The following SWAP70 variants were observed in gnomAD, a reference collection of about 807,000 sequenced individuals.
The protein encoded by SWAP70 is switch-associated protein 70.
Under a neutral mutation model 80.2 loss-of-function variants are expected in SWAP70, and 34 were observed. The ratio of observed to expected loss-of-function variants is 0.42; its 90% confidence interval spans 0.32 to 0.56. The LOEUF (loss-of-function observed/expected upper bound fraction) is 0.56, where lower values mean the gene tolerates loss of function less well. SWAP70 is among the 20% of genes least tolerant of loss of function. SWAP70 has a pLI of 0.09. For missense variants in SWAP70, 578 were observed against 690.7 expected (o/e 0.84, Z 1.83); for synonymous variants, 239 against 238.5 (o/e 1.00, Z -0.02).
Position 9,695,569 on chromosome 11 carries a change from A to G in SWAP70, c.240+1283A>G, listed in dbSNP as rs567910144. Among the ~76,000 whole-genome samples, 8 of 147,854 alleles carry G rather than the reference A, an allele frequency of 5.4e-5. No individual in the cohort carries two copies. In the South Asian group the frequency reaches 1.4e-3, roughly 25 times the overall value. ...CTCACTCCTAAGTGGGAGTTGAACA[A>G]TGAGAACACATGAACACAGAGGGGG... On this transcript the variant is annotated intron_variant, in intron 2 of 11. Transcript: ENST00000318950.
At chr11:9,685,358 A>G (rs1850618153) in intron 1 of SWAP70, among the ~76,000 whole-genome samples, 1 of 152,152 alleles carries the variant, frequency 6.6e-6, no homozygotes, top group Admixed American at 6.5e-5. Flanking sequence ...CTGATACTGC[A>G]GCAAAATACC....
At chr11:9,749,596 T>A (rs1357969851) in intron 11 of SWAP70, among the ~76,000 whole-genome samples, 1 of 152,226 alleles carries the variant, frequency 6.6e-6, no homozygotes, top group Admixed American at 6.5e-5. Flanking sequence ...GTATTTGAAT[T>A]GTACTAAAGA....
chr11:9,687,841 AT>A (rs1324802854), intron 1 of SWAP70, among the ~76,000 whole-genome samples: 1 of 152,218 alleles, frequency 6.6e-6, no homozygotes, highest in African/African-American at 2.4e-5. Context: ...GATATTTGAG[AT>A]ACCATTAGTA....
intron 6 of SWAP70, among the ~76,000 whole-genome samples, chr11:9,730,710 TC>T (rs1172852713): frequency 6.6e-6 from 1 of 152,208 alleles, no homozygotes; most frequent in Non-Finnish European, 1.5e-5. Context: ...ATCCATTACT[TC>T]CACAAGAAAT....
At chr11:9,713,428 G>A (rs375331647) in intron 2 of SWAP70, 38 bp from the exon 3 acceptor site, 89 of 1,585,032 alleles carry the variant, frequency 5.6e-5, no homozygotes, top group Middle Eastern at 1.8e-4. Flanking sequence ...TGCTTATATC[G>A]GACTGATTTG....
chr11:9,675,342 G>GGAGAGA (rs1850477836), intron 1 of SWAP70, among the ~76,000 whole-genome samples: 1 of 11,910 alleles, frequency 8.4e-5, no homozygotes, highest in Non-Finnish European at 2.3e-4. Flanking sequence ...AGAGAGAGAG[G>GGAGAGA]GAGCGAGAGA....
intron 6 of SWAP70, among the ~76,000 whole-genome samples, chr11:9,730,271 A>G (rs190072700): frequency 6.6e-6 from 1 of 151,422 alleles, no homozygotes; most frequent in East Asian, 1.9e-4. Context: ...CGGGTGGATC[A>G]TGAAGTTGGG....
At chr11:9,667,795 A>C (rs1850327185) in intron 1 of SWAP70, among the ~76,000 whole-genome samples, 1 of 152,254 alleles carries the variant, frequency 6.6e-6, no homozygotes, top group Non-Finnish European at 1.5e-5. Flanking sequence ...TCCTGAGCTC[A>C]GACTATATGC....
At chr11:9,701,701 T>TTG (rs1375488744) in intron 2 of SWAP70, among the ~76,000 whole-genome samples, 1 of 144,490 alleles carries the variant, frequency 6.9e-6, no homozygotes, top group East Asian at 2.0e-4. Flanking sequence ...CTTTTTTTTT[T>TTG]TTTTTTTTTT....
intron 4 of SWAP70, among the ~76,000 whole-genome samples, chr11:9,727,159 G>A (rs985544837): frequency 1.3e-5 from 2 of 152,022 alleles, no homozygotes; most frequent in African/African-American, 2.4e-5. Flanking sequence ...GGGAGGCTGA[G>A]GTGGGCGGAT....
chr11:9,672,511 ATGCCACCACACC>A (rs1268759904), intron 1 of SWAP70, among the ~76,000 whole-genome samples: 1 of 143,264 alleles, frequency 7.0e-6, no homozygotes, highest in Non-Finnish European at 1.5e-5. Flanking sequence ...CTACGGGTGT[ATGCCACCACACC>A]TGGCTAATTT....
At position 9,664,210 on chromosome 11, in the gene SWAP70, G is replaced by A. The variant is rs1301795289; in HGVS notation, c.31G>A (p.Ala11Thr). The part of the protein sequence containing the change: MGSLKEELLK[A>T]IWHAFTALDQ... Reference sequence around the variant, plus strand: ...GAGCTTGAAGGAGGAGCTGCTCAAAGCCATCTGGCACGCCTTCACCGCACT... The same window carrying A: ...GAGCTTGAAGGAGGAGCTGCTCAAAACCATCTGGCACGCCTTCACCGCACT... Residue 11 changes from alanine to threonine, a missense_variant, in exon 1 of 12, where the codon GCC becomes ACC. Ala to Thr is a moderately conservative substitution (Grantham distance 58, BLOSUM62 0). Transcript: ENST00000318950. The A allele has an allele frequency of 1.3e-6, 2 of 1,592,504 alleles. No individual in the cohort carries two copies. Among genetic ancestry groups the A allele is most frequent in the Admixed American group, 1.7e-5 (1 of 57,444 alleles).
intron 1 of SWAP70, among the ~76,000 whole-genome samples, chr11:9,669,346 C>T (rs1850346007): frequency 6.6e-6 from 1 of 152,176 alleles, no homozygotes; most frequent in Non-Finnish European, 1.5e-5. Flanking sequence ...TCTTCTGCTT[C>T]AGCTTCCCAA....
intron 1 of SWAP70, among the ~76,000 whole-genome samples, chr11:9,666,612 C>A (rs981635295): frequency 1.3e-5 from 2 of 152,054 alleles, no homozygotes; most frequent in African/African-American, 4.8e-5. Flanking sequence ...ATTGAAATCC[C>A]CATCAGACAA....
chr11:9,713,657 G>T lies in SWAP70; in HGVS notation c.414+18G>T. ...CAGAAGAGGTAAGGTGTGGCTTGGG[G>T]AGTTTTTACTTGGTCATTTTAGCAT... On this transcript the variant is annotated intron_variant, in intron 3 of 11. Transcript: ENST00000318950. 6.2e-7 allele frequency: 1 copy of T among 1,600,690 alleles called. No homozygotes were observed. Among genetic ancestry groups the T allele is most frequent in the Non-Finnish European group, 8.5e-7 (1 of 1,174,538 alleles).
chr11:9,695,441 T>C (rs1314744150), intron 2 of SWAP70, among the ~76,000 whole-genome samples: 9 of 152,064 alleles, frequency 5.9e-5, no homozygotes, highest in Admixed American at 5.9e-4. Context: ...TATGCTGCCC[T>C]AAAAAAGAGT....
intron 3 of SWAP70, among the ~76,000 whole-genome samples, chr11:9,718,955 C>G (rs989968347): frequency 1.3e-5 from 2 of 148,570 alleles, no homozygotes; most frequent in Non-Finnish European, 3.0e-5. Flanking sequence ...CAAAAATTAG[C>G]TGGGCACAGT....
chr11:9,679,730 G>A (rs1034705712), intron 1 of SWAP70, among the ~76,000 whole-genome samples: 1 of 152,046 alleles, frequency 6.6e-6, no homozygotes, highest in Admixed American at 6.5e-5. Context: ...GTGTGGTGGT[G>A]CGATCTCAGC....
intron 1 of SWAP70, among the ~76,000 whole-genome samples, chr11:9,683,412 T>C (rs1850592633): frequency 6.7e-6 from 1 of 150,186 alleles, no homozygotes; most frequent in African/African-American, 2.5e-5. Context: ...CAAGACCCTG[T>C]CTCAAAAAAA....
Sources: allele counts gnomAD v4.1 joint callset (sites outside exome capture counted in the v4.1 genomes callset), GRCh38; gene constraint gnomAD v4.1.1; transcripts MANE v1.5; gene names NCBI Gene and HGNC (gene_info 2026-07-23, HGNC 2026-07-21).